FHOD3: variants seen among roughly 807,000 people sequenced by gnomAD.
FHOD3 encodes the protein FH1/FH2 domain-containing protein 3.
In FHOD3, 90 loss-of-function variants were observed where a neutral mutation model predicts 173.0. That is an observed-to-expected ratio of 0.52 (90% CI 0.44 to 0.62). The LOEUF (loss-of-function observed/expected upper bound fraction) is 0.62, where lower values mean the gene tolerates loss of function less well. FHOD3 is among the 20% of genes least tolerant of loss of function. FHOD3 has a pLI of 0.00. For missense variants in FHOD3, 1,945 were observed against 2,034.7 expected, an observed-to-expected ratio of 0.96 and a Z score of 0.85; for synonymous variants, 828 against 823.0, an observed-to-expected ratio of 1.01 and a Z score of -0.10.
intron 5 of FHOD3, among the ~76,000 whole-genome samples, chr18:36,571,518 G>C (rs1457700878): frequency 1.3e-5 from 2 of 152,224 alleles, no homozygotes; most frequent in Non-Finnish European, 2.9e-5. Flanking sequence ...TAGACAAGCT[G>C]CTTCCAGAAT....
intron 1 of FHOD3, among the ~76,000 whole-genome samples, chr18:36,346,046 T>C (rs1486296018): frequency 6.6e-6 from 1 of 152,186 alleles, no homozygotes; most frequent in East Asian, 1.9e-4. Flanking sequence ...TTCACCACCA[T>C]TTTTAGACAT....
chr18:36,425,038 C>T (rs892565453), intron 3 of FHOD3, among the ~76,000 whole-genome samples: 2 of 151,952 alleles, frequency 1.3e-5, no homozygotes, highest in Admixed American at 1.3e-4. Context: ...CCATAAAGTG[C>T]GTCCCCTAGG....
At chr18:36,313,055 C>T (rs1457201797) in intron 1 of FHOD3, among the ~76,000 whole-genome samples, 2 of 152,180 alleles carry the variant, frequency 1.3e-5, no homozygotes, top group East Asian at 1.9e-4. Flanking sequence ...TCAATGGTCT[C>T]TCCCCAGGGT....
At chr18:36,504,767 A>C (rs200424418) in intron 4 of FHOD3, among the ~76,000 whole-genome samples, 1 of 151,936 alleles carries the variant, frequency 6.6e-6, no homozygotes, top group African/African-American at 2.4e-5. Flanking sequence ...TAAATAAATA[A>C]ATACATAAAT....
intron 27 of FHOD3, among the ~76,000 whole-genome samples, chr18:36,763,033 ATAAT>A (rs1208419140): frequency 2.3e-5 from 3 of 128,652 alleles, no homozygotes; most frequent in African/African-American, 8.2e-5. Flanking sequence ...CACTTTATAT[ATAAT>A]ATGCGTATTA....
At chr18:36,536,847 A>G (rs772029671) in intron 5 of FHOD3, among the ~76,000 whole-genome samples, 18 of 152,188 alleles carry the variant, frequency 1.2e-4, no homozygotes, top group Non-Finnish European at 1.3e-4. Flanking sequence ...CCCAAAGAAT[A>G]TTCCTTTTTT....
intron 1 of FHOD3, among the ~76,000 whole-genome samples, chr18:36,309,009 A>G (rs1472307999): frequency 6.6e-6 from 1 of 152,062 alleles, no homozygotes; most frequent in African/African-American, 2.4e-5. Flanking sequence ...AGTCCCTGCT[A>G]GATCCTCCAG....
chr18:36,333,125 C>T (rs569818828), intron 1 of FHOD3, among the ~76,000 whole-genome samples: 1 of 152,352 alleles, frequency 6.6e-6, no homozygotes, highest in Admixed American at 6.5e-5. Flanking sequence ...CCTTGGTTCC[C>T]TGGAGCAGTG....
intron 10 of FHOD3, among the ~76,000 whole-genome samples, chr18:36,628,093 G>T (rs1431681359): frequency 6.6e-6 from 1 of 152,062 alleles, no homozygotes; most frequent in Non-Finnish European, 1.5e-5. Context: ...TTTAGAAAGG[G>T]GTTCATATTG....
chr18:36,441,258 G>A (rs560761366), intron 3 of FHOD3, among the ~76,000 whole-genome samples: 45 of 152,278 alleles, frequency 3.0e-4, no homozygotes, highest in African/African-American at 9.9e-4. Flanking sequence ...CCACCAATGC[G>A]AGGTGAGGAC....
intron 3 of FHOD3, among the ~76,000 whole-genome samples, chr18:36,433,916 A>G (rs1005723617): frequency 2.6e-5 from 4 of 152,246 alleles, no homozygotes; most frequent in East Asian, 1.9e-4. Flanking sequence ...GTATAGACCC[A>G]TGTATCTACC....
chr18:36,433,137 A>AATT (rs2050639157), intron 3 of FHOD3, among the ~76,000 whole-genome samples: 1 of 152,176 alleles, frequency 6.6e-6, no homozygotes, highest in Non-Finnish European at 1.5e-5. Context: ...CTGATTTGGA[A>AATT]ACTTAATTAC....
At chr18:36,660,672 G>A (rs1169770763) in intron 14 of FHOD3, among the ~76,000 whole-genome samples, 1 of 152,216 alleles carries the variant, frequency 6.6e-6, no homozygotes, top group African/African-American at 2.4e-5. Context: ...CAAATTGGGT[G>A]GAGACTTCCA....
At chr18:36,399,255 G>A (rs186772166) in intron 3 of FHOD3, among the ~76,000 whole-genome samples, 53 of 152,224 alleles carry the variant, frequency 3.5e-4, no homozygotes, top group Admixed American at 1.7e-3. Flanking sequence ...TGTCCTGTTC[G>A]TTTGTCCCAA....
chr18:36,739,728 A>C (rs1453967226), intron 20 of FHOD3, among the ~76,000 whole-genome samples: 1 of 152,252 alleles, frequency 6.6e-6, no homozygotes, highest in Non-Finnish European at 1.5e-5. Flanking sequence ...CACTGTAAAT[A>C]GCATTTAAAA....
At chr18:36,353,803 G>A (rs983916104) in intron 1 of FHOD3, among the ~76,000 whole-genome samples, 2 of 152,148 alleles carry the variant, frequency 1.3e-5, no homozygotes, top group African/African-American at 2.4e-5. Context: ...GCAAAGGCTC[G>A]TTTCTTGATG....
intron 6 of FHOD3, among the ~76,000 whole-genome samples, chr18:36,586,080 T>G (rs1374620137): frequency 5.3e-5 from 8 of 152,226 alleles, no homozygotes; most frequent in Non-Finnish European, 1.2e-4. Flanking sequence ...ACCTGGGTTT[T>G]AGCTGTTCAT....
At chr18:36,557,351 T>C (rs1474605958) in intron 5 of FHOD3, among the ~76,000 whole-genome samples, 1 of 152,086 alleles carries the variant, frequency 6.6e-6, no homozygotes, top group African/African-American at 2.4e-5. Flanking sequence ...AAATTATTTT[T>C]TCTGTGTTTT....
At chr18:36,450,508 G>C (rs1425280599) in intron 3 of FHOD3, among the ~76,000 whole-genome samples, 1 of 151,644 alleles carries the variant, frequency 6.6e-6, no homozygotes, top group Non-Finnish European at 1.5e-5. Context: ...AAAACTCCCT[G>C]AGGCCAGGCA....
Sources: allele counts gnomAD v4.1 joint callset (sites outside exome capture counted in the v4.1 genomes callset), GRCh38; gene constraint gnomAD v4.1.1; transcripts MANE v1.5; gene names NCBI Gene and HGNC (gene_info 2026-07-23, HGNC 2026-07-21).